Variants in SV2C observed in about 807,000 individuals in gnomAD.
The protein encoded by SV2C is synaptic vesicle glycoprotein 2C.
A neutral mutation model predicts 79.7 loss-of-function variants in SV2C; 49 were observed. That is an observed-to-expected ratio of 0.61 (90% CI 0.49 to 0.78). The LOEUF is 0.78. SV2C is among the 30% of genes least tolerant of loss of function. SV2C has a pLI of 0.00. For synonymous variants in SV2C, 334 were observed against 333.2 expected, an observed-to-expected ratio of 1.00 and a Z score of -0.03; for missense variants, 833 against 912.9, an observed-to-expected ratio of 0.91 and a Z score of 1.13.
At chr5:76,067,206 T>C in the SV2C span, among the ~76,000 whole-genome samples, 2 of 152,136 alleles carry the variant, frequency 1.3e-5, no homozygotes, top group Non-Finnish European at 2.9e-5. Flanking sequence ...TCCTCCTTGG[T>C]GGTTTGCAAT....
At chr5:75,878,542 ATAAAC>A in the SV2C span, among the ~76,000 whole-genome samples, 1 of 152,156 alleles carries the variant, frequency 6.6e-6, no homozygotes, top group African/African-American at 2.4e-5. Context: ...AAACCCCAAA[ATAAAC>A]TGAGTTCAAG....
At chr5:75,999,660 T>G in the SV2C span, among the ~76,000 whole-genome samples, 1 of 151,616 alleles carries the variant, frequency 6.6e-6, no homozygotes, top group African/African-American at 2.4e-5. Flanking sequence ...GCCTTTTTTT[T>G]TTTTTCTACC....
chr5:75,896,172 C>G, the SV2C span, among the ~76,000 whole-genome samples: 1 of 151,458 alleles, frequency 6.6e-6, no homozygotes, highest in African/African-American at 2.4e-5. Flanking sequence ...ATTAACTTGT[C>G]ATTCAGCATT....
intron 2 of SV2C, among the ~76,000 whole-genome samples, chr5:76,158,631 G>T (rs989715547): frequency 6.6e-6 from 1 of 151,858 alleles, no homozygotes; most frequent in Non-Finnish European, 1.5e-5. Flanking sequence ...TTTCAAGAGG[G>T]ATATAACAAC....
At chr5:76,344,012 C>G (rs1036571430) in intron 12 of SV2C, among the ~76,000 whole-genome samples, 15 of 134,320 alleles carry the variant, frequency 1.1e-4, no homozygotes, top group Admixed American at 5.3e-4. Flanking sequence ...CAAAGCAAGA[C>G]CATCTCAAAT....
At chr5:76,008,353 G>A in the SV2C span, among the ~76,000 whole-genome samples, 1 of 152,104 alleles carries the variant, frequency 6.6e-6, no homozygotes, top group African/African-American at 2.4e-5. Context: ...TCTTCAAAAG[G>A]AGTTAAAAGC....
At chr5:76,003,829 G>A in the SV2C span, among the ~76,000 whole-genome samples, 1 of 151,762 alleles carries the variant, frequency 6.6e-6, no homozygotes, top group Non-Finnish European at 1.5e-5. Flanking sequence ...AGGGTGTGGA[G>A]CTCAGAGGGA....
At chr5:75,924,238 G>A in the SV2C span, among the ~76,000 whole-genome samples, 3 of 152,118 alleles carry the variant, frequency 2.0e-5, no homozygotes, top group East Asian at 1.9e-4. Context: ...GTGATATACT[G>A]GACTTTGGGG....
intron 1 of SV2C, among the ~76,000 whole-genome samples, chr5:76,130,145 T>TAAAAAACAAAAA (rs1748835439): frequency 1.5e-5 from 1 of 67,832 alleles, no homozygotes; most frequent in African/African-American, 8.7e-5. Context: ...TCTCAGTTCT[T>TAAAAAACAAAAA]AAAAAAAAAA....
At chr5:76,174,237 G>A (rs754281444) in intron 2 of SV2C, 63 of 1,570,992 alleles carry the variant, frequency 4.0e-5, no homozygotes, top group Non-Finnish European at 5.1e-5. Flanking sequence ...CTGTCACCGG[G>A]TCTCTGCAGC....
Position 76,194,939 on chromosome 5 carries a change from A to G in SV2C, c.601A>G (p.Met201Val). The G allele has an allele frequency of 6.2e-7, 1 of 1,613,836 alleles. No individual in the cohort carries two copies. The highest frequency in any genetic ancestry group is 8.5e-7 in the Non-Finnish European group (1 of 1,179,902). ...GWLGSIVYLG[M>V]MVGAFFWGGL... ...TGCAGGCAGCATAGTGTACCTCGGG[A>G]TGATGGTGGGGGCGTTCTTCTGGGG... The change falls in exon 3 of 13, where the codon ATG becomes GTG. Residue 201 changes from methionine to valine, a missense_variant. Physicochemically the swap from Met to Val is conservative, Grantham distance 21. Transcript: ENST00000502798.
At chr5:76,311,515 A>G (rs538160344) in intron 12 of SV2C, 1 of 152,360 alleles carries the variant, frequency 6.6e-6, no homozygotes, top group East Asian at 1.9e-4. Context: ...AATGAAGAGC[A>G]GGGCAAAATG....
chr5:75,988,701 A>G, the SV2C span, among the ~76,000 whole-genome samples: 1 of 151,964 alleles, frequency 6.6e-6, no homozygotes, highest in Non-Finnish European at 1.5e-5. Context: ...GGAAACCCAG[A>G]ACAAAAGGCC....
the SV2C span, among the ~76,000 whole-genome samples, chr5:75,913,771 A>G: frequency 6.6e-6 from 1 of 152,172 alleles, no homozygotes; most frequent in Non-Finnish European, 1.5e-5. Flanking sequence ...GCAGCCCCTA[A>G]GGTGAATATT....
At chr5:76,159,458 A>T (rs1379394106) in intron 2 of SV2C, among the ~76,000 whole-genome samples, 2 of 152,162 alleles carry the variant, frequency 1.3e-5, no homozygotes, top group South Asian at 4.1e-4. Flanking sequence ...CTGCCATAAC[A>T]AAGTACCAAA....
intron 9 of SV2C, 149 bp from the exon 10 acceptor site, chr5:76,298,645 C>A: frequency 1.2e-6 from 1 of 835,482 alleles, no homozygotes; most frequent in South Asian, 2.8e-5. Flanking sequence ...GGGGAAAAAG[C>A]AGAGAGCTAA....
the SV2C span, among the ~76,000 whole-genome samples, chr5:76,029,374 A>T: frequency 1.3e-5 from 2 of 151,922 alleles, no homozygotes; most frequent in Non-Finnish European, 2.9e-5. Context: ...CATCTCCCCA[A>T]CCCCCTAACC....
At chr5:75,868,135 A>C in the SV2C span, among the ~76,000 whole-genome samples, 43 of 152,274 alleles carry the variant, frequency 2.8e-4, no homozygotes, top group Non-Finnish European at 1.6e-4. Flanking sequence ...GACCACTCTT[A>C]AGGGACTAAG....
the SV2C span, among the ~76,000 whole-genome samples, chr5:76,027,365 T>A: frequency 6.7e-6 from 1 of 149,658 alleles, no homozygotes; most frequent in Non-Finnish European, 1.5e-5. Flanking sequence ...CCCAACCTTT[T>A]TTCAGTTTTT....
Sources: gnomAD v4.1 joint callset for allele counts (sites outside exome capture counted in the v4.1 genomes callset) on GRCh38, gnomAD v4.1.1 for gene constraint, MANE v1.5 for transcripts, NCBI Gene and HGNC (gene_info 2026-07-23, HGNC 2026-07-21) for gene names.